Variants in FGD5 observed in about 807,000 individuals in gnomAD.
FGD5 encodes the protein FYVE, RhoGEF and PH domain containing 5, also known as FYVE, RhoGEF and PH domain-containing protein 5.
A neutral mutation model predicts 133.4 loss-of-function variants in FGD5; 28 were observed. The observed-to-expected ratio is 0.21, with a 90% confidence interval of 0.16 to 0.29. The LOEUF is 0.29. FGD5 is among the 10% of genes least tolerant of loss of function. The pLI is 1.00. For missense variants in FGD5, 1,858 were observed against 1,895.2 expected, an observed-to-expected ratio of 0.98 and a Z score of 0.36; for synonymous variants, 810 against 776.5, an observed-to-expected ratio of 1.04 and a Z score of -0.72.
At chr3:14,824,660 C>G (rs1410240154) in intron 1 of FGD5, among the ~76,000 whole-genome samples, 3 of 152,200 alleles carry the variant, frequency 2.0e-5, no homozygotes, top group African/African-American at 7.2e-5. Flanking sequence ...AACCATTCAC[C>G]TTTCCTGGAC....
Position 14,819,505 on chromosome 3 carries a change from A to T in FGD5, c.434A>T (p.Asp145Val). 5.2e-6 allele frequency: 8 copies of T among 1,551,332 alleles called. No homozygotes were observed. The highest frequency in any genetic ancestry group is 7.0e-6 in the Non-Finnish European group (8 of 1,146,942). Residue 145 changes from aspartate (D) to valine (V), a missense_variant, in exon 1 of 20, where the codon GAT becomes GTT. By Grantham distance (152) the Asp-to-Val change is radical (BLOSUM62 -3). Around this residue, in one of 3 missense-constraint regions of FGD5, gnomAD observed 1,824 missense variants for 1,848.9 expected, o/e 0.99. Coordinates refer to ENST00000285046, the MANE Select transcript of FGD5 (RefSeq NM_152536.4). This position sits in a 1 kb window ranked among gnomAD's most constrained non-coding sequence, Gnocchi z 4.1. ...GEEGTDLALE[D>V]EGEGCADEPG... ...GAAGGCACAGACCTTGCTCTTGAGG[A>T]TGAAGGGGAGGGCTGCGCTGATGAG...
chr3:14,878,890 G>A (rs1242499309), intron 2 of FGD5, among the ~76,000 whole-genome samples: 3 of 152,122 alleles, frequency 2.0e-5, no homozygotes, highest in African/African-American at 7.2e-5. Flanking sequence ...TGTATTTTTA[G>A]TAGAGACAGG....
At chr3:14,921,153 T>C (rs2038672663) in intron 13 of FGD5, among the ~76,000 whole-genome samples, 1 of 152,220 alleles carries the variant, frequency 6.6e-6, no homozygotes, top group Admixed American at 6.5e-5. Flanking sequence ...CCTTCACACT[T>C]GAAGCTCCCA....
chr3:14,893,594 G>A (rs1315897143), intron 4 of FGD5, among the ~76,000 whole-genome samples: 2 of 151,952 alleles, frequency 1.3e-5, no homozygotes, highest in Non-Finnish European at 2.9e-5. Flanking sequence ...GTAGTCCTCC[G>A]GCCTTGGCTT....
chr3:14,894,674 A>ATTT (rs55815625), intron 4 of FGD5, among the ~76,000 whole-genome samples: 2 of 128,322 alleles, frequency 1.6e-5, no homozygotes, highest in Non-Finnish European at 3.2e-5. Context: ...GGTCCAGCTA[A>ATTT]TTTTTTTTTT....
At chr3:14,816,896 C>A (rs2036377087), upstream of FGD5, among the ~76,000 whole-genome samples, 1 of 152,158 alleles carries the variant, frequency 6.6e-6, no homozygotes. Context: ...CTGATACCAA[C>A]TTTGGCTTCA....
At chr3:14,884,657 G>A (rs769187865) in intron 4 of FGD5, among the ~76,000 whole-genome samples, 7 of 152,160 alleles carry the variant, frequency 4.6e-5, no homozygotes, top group Non-Finnish European at 8.8e-5. Flanking sequence ...TTTCGACAGG[G>A]CACGGTGGTG....
intron 9 of FGD5, among the ~76,000 whole-genome samples, chr3:14,907,228 C>T (rs1265280401): frequency 2.6e-5 from 4 of 152,206 alleles, no homozygotes; most frequent in Non-Finnish European, 4.4e-5. Context: ...TTTCTAACCA[C>T]GAGGCTCCAC....
At chr3:14,923,323 G>A (rs1479309691) in intron 16 of FGD5, 148 bp downstream of exon 16, 5 of 1,114,288 alleles carry the variant, frequency 4.5e-6, no homozygotes, top group Admixed American at 2.9e-5. Context: ...ACAGAGGTTC[G>A]GGCACCATTT....
Position 14,821,059 on chromosome 3 carries a change from A to G in FGD5, c.1988A>G (p.Lys663Arg), listed in dbSNP as rs2036487486. 4 of 1,613,980 alleles carry G rather than the reference A, an allele frequency of 2.5e-6. No individual in the cohort carries two copies. The highest frequency in any genetic ancestry group is 2.2e-5 in the East Asian group (1 of 44,870). ...FKRFLALTFK[K>R]KTENKLHVDV... ...CGCTTCCTGGCACTGACGTTTAAGAAGAAGACGGAGAACAAATTGCATGTG... is the reference window on the plus strand; with the variant it reads ...CGCTTCCTGGCACTGACGTTTAAGAGGAAGACGGAGAACAAATTGCATGTG... Residue 663 changes from lysine to arginine, a missense_variant, in exon 1 of 20, where the codon AAG becomes AGG. By Grantham distance (26) the Lys-to-Arg change is conservative. Around this residue, in one of 3 missense-constraint regions of FGD5, gnomAD observed 1,824 missense variants for 1,848.9 expected, o/e 0.99. Transcript: ENST00000285046.
intron 4 of FGD5, among the ~76,000 whole-genome samples, chr3:14,894,547 A>T (rs567380931): frequency 7.4e-6 from 1 of 134,230 alleles, no homozygotes; most frequent in South Asian, 2.3e-4. Context: ...ACAGGGTCTC[A>T]TTCTGTCACC....
chr3:14,833,996 TCA>T (rs373038917), intron 1 of FGD5, among the ~76,000 whole-genome samples: 317 of 152,296 alleles, frequency 2.1e-3, no homozygotes, highest in African/African-American at 7.5e-3. Context: ...GGTGGTTTTC[TCA>T]GTTTCTGTTG....
At chr3:14,879,980 T>C (rs1043835750) in intron 2 of FGD5, among the ~76,000 whole-genome samples, 9 of 152,182 alleles carry the variant, frequency 5.9e-5, no homozygotes, top group African/African-American at 1.7e-4. Flanking sequence ...ATCATGGCCA[T>C]TGAGCATTTA....
At position 14,890,283 on chromosome 3, in the gene FGD5, A is replaced by G. The variant is rs113936657; in HGVS notation, c.2749-7226A>G. ...TCCCTTCTCTGGTTTGCTGGGTCCT[A>G]TGCTTTTCCCCATCACAACATAGGC... On this transcript the variant is annotated intron_variant, in intron 4 of 19. Coordinates refer to ENST00000285046, the MANE Select transcript of FGD5 (RefSeq NM_152536.4). Among the ~76,000 whole-genome samples the G allele has an allele frequency of 2.4e-3, 369 of 152,250 alleles. 1 individual carries two copies. The highest frequency in any genetic ancestry group is 7.5e-3 in the African/African-American group (312 of 41,534).
intron 2 of FGD5, among the ~76,000 whole-genome samples, chr3:14,865,200 C>T (rs554070027): frequency 6.7e-6 from 1 of 149,954 alleles, no homozygotes; most frequent in East Asian, 2.0e-4. Context: ...TCGCCCGCTT[C>T]CCAGCAGACC....
Position 14,912,004 on chromosome 3 carries a change from G to A in FGD5, c.3405+1075G>A, listed in dbSNP as rs571578872. Among the ~76,000 whole-genome samples the A allele has an allele frequency of 7.9e-5, 12 of 152,162 alleles. No homozygotes were observed. In the East Asian group the frequency reaches 2.1e-3, roughly 27 times the overall value. ...AGGAAGGGCATTTCAGGAGAGGTAA[G>A]GGCCTAAGCAGAGGATAGAGGCATG... On this transcript the variant is annotated intron_variant, in intron 11 of 19. Transcript: ENST00000285046.
In FGD5 at chr3:14,934,116, A is replaced by G. The variant is rs970112312; in HGVS notation, c.*949A>G. On this transcript the variant is annotated 3_prime_UTR_variant, in exon 20 of 20. Coordinates refer to ENST00000285046, the MANE Select transcript of FGD5 (RefSeq NM_152536.4). ...AGACACACGGTAATCCTTGGGCTGT[A>G]TTACTGAAGGCTTTTTATTTTTTGA... 5.9e-5 allele frequency: 9 copies of G among 152,206 alleles called. No individual in the cohort carries two copies. The highest frequency in any genetic ancestry group is 2.2e-4 in the African/African-American group (9 of 41,438). The allele number at this position is 152,206 out of a possible 1,614,324, so 9.4% of individuals were successfully genotyped here. A position where few individuals can be genotyped will look rare whatever the true frequency, so the allele number is the denominator to read the frequency against.
chr3:14,921,296 G>C (rs956560463), intron 13 of FGD5: 1 of 153,734 alleles, frequency 6.5e-6, no homozygotes. Context: ...TCCGGGGCAG[G>C]CTGCACACTT....
At chr3:14,810,810 C>A (rs528662461), upstream of FGD5, 34 of 984,470 alleles carry the variant, frequency 3.5e-5, no homozygotes, top group South Asian at 1.4e-3. Flanking sequence ...GACCCGCGGA[C>A]GGACTGAAAC....
Sources: gnomAD v4.1 joint callset for allele counts (sites outside exome capture counted in the v4.1 genomes callset) on GRCh38, gnomAD v4.1.1 for gene constraint, gnomAD v4.1.1 regional missense constraint, Gnocchi (gnomAD v3.1) non-coding constraint, MANE v1.5 for transcripts, NCBI Gene and HGNC (gene_info 2026-07-23, HGNC 2026-07-21) for gene names.